WNT9B: variants seen among roughly 807,000 people sequenced by gnomAD.
WNT9B encodes the protein Wnt family member 9B, also known as protein Wnt-9b.
WNT9B carries 12 observed loss-of-function variants against 30.2 expected under a neutral mutation model. That is an observed-to-expected ratio of 0.40 (90% CI 0.26 to 0.64). WNT9B has a LOEUF of 0.64. WNT9B is among the 30% of genes least tolerant of loss of function. The pLI, the probability that WNT9B is intolerant of heterozygous loss-of-function variation, is 0.42. For synonymous variants in WNT9B, 218 were observed against 216.9 expected, an observed-to-expected ratio of 1.01 and a Z score of -0.05; for missense variants, 442 against 485.2, an observed-to-expected ratio of 0.91 and a Z score of 0.84.
intron 1 of WNT9B, among the ~76,000 whole-genome samples, chr17:46,844,362 A>G (rs1415545150): frequency 6.7e-6 from 1 of 148,382 alleles, no homozygotes; most frequent in African/African-American, 2.5e-5. Flanking sequence ...TCCCAGAGAT[A>G]AACCAAGGTT....
rs1220421267 is a variant in WNT9B at position 46,879,279 on chromosome 17, C to T, written c.*2561C>T. On this transcript the variant is annotated 3_prime_UTR_variant, in exon 4 of 4. Transcript: ENST00000290015. ...TCCCCCACTGAGCAGGAGGCCGGGT[C>T]GCTGGGAAGGAGGACAAACCTGTAT... Among the ~76,000 whole-genome samples, 5 of 152,124 alleles carry T rather than the reference C, an allele frequency of 3.3e-5. No individual in the cohort carries two copies. Among genetic ancestry groups the T allele is most frequent in the African/African-American group, 7.2e-5 (3 of 41,412 alleles).
chr17:46,844,891 G>A (rs1464838642), intron 1 of WNT9B, among the ~76,000 whole-genome samples: 8 of 151,484 alleles, frequency 5.3e-5, no homozygotes, highest in African/African-American at 1.9e-4. Context: ...TGTTGCCCCA[G>A]GGCTGGAGTG....
At chr17:46,840,323 T>G (rs192961504) in intron 1 of WNT9B, among the ~76,000 whole-genome samples, 4 of 152,152 alleles carry the variant, frequency 2.6e-5, no homozygotes, top group Admixed American at 6.6e-5. Context: ...CCTGACCTCA[T>G]GATCCACCCG....
Position 46,875,230 on chromosome 17 carries a change from A to G in WNT9B, c.464A>G (p.Gln155Arg). 2 of 1,614,218 alleles carry G rather than the reference A, an allele frequency of 1.2e-6. No homozygotes were observed. Among genetic ancestry groups the G allele is most frequent in the Non-Finnish European group, 1.7e-6 (2 of 1,180,040 alleles). The part of the protein sequence containing the change: ...CDDSPGLESR[Q>R]AWQWGVCGDN... ...GACTCTCCGGGGCTGGAGAGCCGGC[A>G]GGCCTGGCAGTGGGGCGTGTGCGGT... Residue 155 changes from glutamine to arginine, a missense_variant, in exon 3 of 4, where the codon CAG (glutamine) becomes CGG (arginine). Physicochemically the swap from Gln to Arg is conservative, Grantham distance 43 (BLOSUM62 1). Transcript: ENST00000290015.
chr17:46,876,111 A>C (rs1008457200), intron 3 of WNT9B, 134 bp from the exon 4 acceptor site: 1 of 797,336 alleles, frequency 1.3e-6, no homozygotes, highest in Non-Finnish European at 2.0e-6. Flanking sequence ...GGCCAAGGGG[A>C]GGAGCTGGGG....
intron 1 of WNT9B, among the ~76,000 whole-genome samples, chr17:46,840,701 G>A (rs1259995577): frequency 2.0e-5 from 3 of 152,178 alleles, no homozygotes; most frequent in Non-Finnish European, 4.4e-5. Flanking sequence ...ATTCTAACTG[G>A]CGTGAGATGG....
At chr17:46,844,556 G>A (rs921220413) in intron 1 of WNT9B, among the ~76,000 whole-genome samples, 1 of 152,024 alleles carries the variant, frequency 6.6e-6, no homozygotes, top group African/African-American at 2.4e-5. Flanking sequence ...TGTGGTGGTG[G>A]CCGATTTCTA....
At chr17:46,883,535 T>G (rs779027890), downstream of WNT9B, among the ~76,000 whole-genome samples, 99 of 152,162 alleles carry the variant, frequency 6.5e-4, no homozygotes, top group Middle Eastern at 3.2e-3. Flanking sequence ...TCCACCCATC[T>G]TGGCCTTCCA....
At chr17:46,872,882 A>T in intron 2 of WNT9B, 109 bp downstream of exon 2, 1 of 1,329,340 alleles carries the variant, frequency 7.5e-7, no homozygotes, top group Non-Finnish European at 1.0e-6. Flanking sequence ...TGCCCAGGCC[A>T]CACTGCCCTT....
rs1323185383 is a variant in WNT9B at position 46,879,859 on chromosome 17, A to C, written c.*3141A>C. ...TCCCCCAAGTGGAGTCCCATGTCTC[A>C]GGGGCTTTGGCTGCCTGAGAAGGCT... On this transcript the variant is annotated 3_prime_UTR_variant, in exon 4 of 4. Transcript: ENST00000290015. Among the ~76,000 whole-genome samples, 1 of 152,180 alleles carries C rather than the reference A, an allele frequency of 6.6e-6. No homozygotes were observed. The highest frequency in any genetic ancestry group is 1.9e-4 in the East Asian group (1 of 5,186).
chr17:46,872,141 C>T (rs1167621380), intron 1 of WNT9B, among the ~76,000 whole-genome samples: 2 of 152,184 alleles, frequency 1.3e-5, no homozygotes, highest in African/African-American at 2.4e-5. Flanking sequence ...TGCCTAGGGA[C>T]TGTGGTAAAT....
rs116216371 is a variant in WNT9B, at chr17:46,854,255, G to T, written c.77+2540G>T. Among the ~76,000 whole-genome samples the T allele has an allele frequency of 8.1e-3, 1,239 of 152,310 alleles. 16 individuals carry two copies. The highest frequency in any genetic ancestry group is 0.028 in the African/African-American group (1,156 of 41,562). On this transcript the variant is annotated intron_variant, in intron 1 of 3. Transcript: ENST00000290015. ...GTTTCCCAGCTTCCCATCTGCATTC[G>T]CTGTCTGGGAGGAATCTGGTATCAG...
intron 1 of WNT9B, among the ~76,000 whole-genome samples, chr17:46,864,178 G>T (rs185846528): frequency 2.4e-4 from 36 of 152,302 alleles, no homozygotes; most frequent in Admixed American, 2.1e-3. Flanking sequence ...AAGGTAGTTA[G>T]TTGGTCAATG....
chr17:46,841,155 T>G (rs1179702368), intron 1 of WNT9B, among the ~76,000 whole-genome samples: 1 of 152,226 alleles, frequency 6.6e-6, no homozygotes, highest in African/African-American at 2.4e-5. Flanking sequence ...TACCATTTAT[T>G]GAGCACCTAC....
intron 1 of WNT9B, among the ~76,000 whole-genome samples, chr17:46,864,234 C>A (rs1431473668): frequency 6.6e-6 from 1 of 152,146 alleles, no homozygotes; most frequent in Non-Finnish European, 1.5e-5. Context: ...CCAGAGTCAC[C>A]CAGTACCCTG....
chr17:46,855,686 A>G (rs1044539257), intron 1 of WNT9B, among the ~76,000 whole-genome samples: 2 of 152,192 alleles, frequency 1.3e-5, no homozygotes, highest in Non-Finnish European at 2.9e-5. Flanking sequence ...AGGCCCAGTT[A>G]CCCAATCCAG....
chr17:46,837,139 C>T (rs1273350625), intron 1 of WNT9B, among the ~76,000 whole-genome samples: 1 of 152,114 alleles, frequency 6.6e-6, no homozygotes, highest in Non-Finnish European at 1.5e-5. Flanking sequence ...GATGGGGTTT[C>T]ACCATGTTGG....
At position 46,879,838 on chromosome 17, in the gene WNT9B, C is replaced by T. The variant is rs184636696; in HGVS notation, c.*3120C>T. ...TCTGGATGGCATGTTGGCACTTCCCCCAAGTGGAGTCCCATGTCTCAGGGG... is the reference window on the plus strand; with the variant it reads ...TCTGGATGGCATGTTGGCACTTCCCTCAAGTGGAGTCCCATGTCTCAGGGG... On this transcript the variant is annotated 3_prime_UTR_variant, in exon 4 of 4. Coordinates refer to ENST00000290015, the MANE Select transcript of WNT9B (RefSeq NM_003396.3). Among the ~76,000 whole-genome samples the T allele has an allele frequency of 1.3e-5, 2 of 152,292 alleles. No homozygotes were observed. The highest frequency in any genetic ancestry group is 2.9e-5 in the Non-Finnish European group (2 of 68,012).
chr17:46,842,526 C>A (rs1375946977), intron 1 of WNT9B, among the ~76,000 whole-genome samples: 1 of 152,136 alleles, frequency 6.6e-6, no homozygotes, highest in African/African-American at 2.4e-5. Flanking sequence ...AGGTGCATAC[C>A]ACCATGCCCA....
Sources: gnomAD v4.1 joint callset for allele counts (sites outside exome capture counted in the v4.1 genomes callset) on GRCh38, gnomAD v4.1.1 for gene constraint, MANE v1.5 for transcripts, NCBI Gene and HGNC (gene_info 2026-07-23, HGNC 2026-07-21) for gene names.